Variants in SYNE1 observed in about 807,000 individuals in gnomAD.
The protein encoded by SYNE1 is nesprin-1.
SYNE1 carries 616 observed loss-of-function variants against 1,111.0 expected under a neutral mutation model. That is an observed-to-expected ratio of 0.55 (90% CI 0.52 to 0.59). The LOEUF (loss-of-function observed/expected upper bound fraction) is 0.59. Among genes scored for constraint, SYNE1 ranks in the 20% least tolerant of loss-of-function variants. The probability of loss-of-function intolerance (pLI) is 0.00; values close to 1 mark genes in which losing one functional copy is unlikely to be tolerated. For synonymous variants in SYNE1, 3,855 were observed against 3,825.8 expected (o/e 1.01, Z -0.28); for missense variants, 10,006 against 10,417.0 (o/e 0.96, Z 1.72).
At chr6:152,231,365 T>A in intron 114 of SYNE1, 26 bp downstream of exon 114, 2 of 1,613,750 alleles carry the variant, frequency 1.2e-6, no homozygotes, top group Non-Finnish European at 8.5e-7. Context: ...CATGTAAATC[T>A]GGACAGTGGG....
chr6:152,232,596 C>T (rs747166928), intron 112 of SYNE1, among the ~76,000 whole-genome samples: 2 of 152,060 alleles, frequency 1.3e-5, no homozygotes, highest in African/African-American at 2.4e-5. Context: ...AGAAAACATT[C>T]AACAGATGTA....
chr6:152,628,751 A>G (rs899490965), intron 2 of SYNE1, among the ~76,000 whole-genome samples, 197 bp from the exon 3 acceptor site: 3 of 152,228 alleles, frequency 2.0e-5, no homozygotes, highest in Non-Finnish European at 4.4e-5. Flanking sequence ...TAAAATAAAT[A>G]CATAAATGAG....
At chr6:152,187,058 G>C (rs78896060) in intron 128 of SYNE1, among the ~76,000 whole-genome samples, 2 of 152,130 alleles carry the variant, frequency 1.3e-5, no homozygotes, top group African/African-American at 2.4e-5. Context: ...CCCTCTATGC[G>C]TAAATCCATG....
At position 152,381,032 on chromosome 6, in the gene SYNE1, T is replaced by C. The variant is rs1346822083; in HGVS notation, c.8983A>G (p.Ile2995Val). The C allele has an allele frequency of 5.6e-6, 9 of 1,614,038 alleles. No individual in the cohort carries two copies. In the East Asian group the frequency reaches 1.1e-4, roughly 20 times the overall value. ...TGTCCTTTGTGCCAGCATTCCACTATCTCCTCATCCGTGTTCTTGCCTTCC... is the reference window on the plus strand; with the variant it reads ...TGTCCTTTGTGCCAGCATTCCACTACCTCCTCATCCGTGTTCTTGCCTTCC... ...LLEGKNTDEE[I>V]VECWHKGQEI... The change falls in exon 56 of 146, where the codon ATA (isoleucine) becomes GTA (valine). Residue 2995 changes from isoleucine to valine, a missense_variant. Coordinates refer to ENST00000367255, the MANE Select transcript of SYNE1 (RefSeq NM_182961.4).
chr6:152,632,133 C>G (rs2099698935), intron 2 of SYNE1, among the ~76,000 whole-genome samples: 1 of 152,168 alleles, frequency 6.6e-6, no homozygotes. Flanking sequence ...TCTAAAGAAA[C>G]AGTGAACATT....
At position 152,369,564 on chromosome 6, in the gene SYNE1, C is replaced by G; in HGVS notation, c.9558G>C (p.Gln3186His). 6.2e-7 allele frequency: 1 copy of G among 1,614,158 alleles called. No homozygotes were observed. Among genetic ancestry groups the G allele is most frequent in the Non-Finnish European group, 8.5e-7 (1 of 1,180,034 alleles). Residue 3186 changes from glutamine (Q) to histidine (H), a missense_variant, in exon 60 of 146, where the codon CAG becomes CAC. This residue lies in a region of SYNE1 where 4,955 missense variants were observed against 5,017.2 expected (regional missense o/e 0.99). Coordinates refer to ENST00000367255, the MANE Select transcript of SYNE1 (RefSeq NM_182961.4). ...TCTTCTCAGTTTTACTCAGCCAGTC[C>G]TGGATAGGCTCAGCACTTACTTCAA... The part of the protein sequence containing the change: ...KDFEVSAEPI[Q>H]DWLSKTEKMV...
chr6:152,133,041 T>C (rs553068599), intron 143 of SYNE1, among the ~76,000 whole-genome samples: 1 of 152,260 alleles, frequency 6.6e-6, no homozygotes, highest in South Asian at 2.1e-4. Flanking sequence ...GTAATAGCAT[T>C]AGTAGCAACA....
Position 152,387,167 on chromosome 6 carries a change from T to C in SYNE1, c.8392A>G (p.Arg2798Gly), listed in dbSNP as rs886044262. 1.7e-5 allele frequency: 28 copies of C among 1,614,086 alleles called. No homozygotes were observed. Among genetic ancestry groups the C allele is most frequent in the Middle Eastern group, 1.6e-4 (1 of 6,082 alleles). ...RALHRLIAKSRELYEKTEDES... is the reference protein window; with the variant it reads ...RALHRLIAKSGELYEKTEDES... Reference sequence around the variant, plus strand: ...TCCTCTGTCTTTTCGTAGAGCTCCCTGGACTTCGCAATTAGACGGTGAAGG... The same window carrying C: ...TCCTCTGTCTTTTCGTAGAGCTCCCCGGACTTCGCAATTAGACGGTGAAGG... Residue 2798 changes from arginine to glycine, a missense_variant, in exon 54 of 146, where the codon AGG (arginine) becomes GGG (glycine). Physicochemically the swap from Arg to Gly is moderately radical, Grantham distance 125. Coordinates refer to ENST00000367255, the MANE Select transcript of SYNE1 (RefSeq NM_182961.4).
Position 152,155,952 on chromosome 6 carries a change from C to T in SYNE1, c.23936G>A (p.Arg7979Gln), listed in dbSNP as rs769773495. 6.2e-6 allele frequency: 10 copies of T among 1,613,996 alleles called. No individual in the cohort carries two copies. Among genetic ancestry groups the T allele is most frequent in the Admixed American group, 1.7e-5 (1 of 59,992 alleles). The change falls in exon 132 of 146, where the codon CGG becomes CAG. Residue 7979 changes from arginine (R) to glutamine (Q), a missense_variant. Around this residue, in one of 7 missense-constraint regions of SYNE1, gnomAD observed 2,182 missense variants for 2,287.8 expected, o/e 0.95. Coordinates refer to ENST00000367255, the MANE Select transcript of SYNE1 (RefSeq NM_182961.4). ...GGACATAGCACAAATGTTTCTCCAC[C>T]GCCGGTCCAGGTTTCTCGTAGCCTG... is the stretch of plus-strand genomic sequence containing the variant. Reference protein sequence around the residue: ...IQQATRNLDRRWRNICAMSME... With the variant: ...IQQATRNLDRQWRNICAMSME...
chr6:152,491,195 C>T (rs575775651), intron 11 of SYNE1, among the ~76,000 whole-genome samples: 1 of 151,180 alleles, frequency 6.6e-6, no homozygotes, highest in South Asian at 2.1e-4. Context: ...CCTGATTATT[C>T]ACCCACATTC....
chr6:152,437,929 T>C (rs1410460720), intron 32 of SYNE1, among the ~76,000 whole-genome samples: 1 of 152,156 alleles, frequency 6.6e-6, no homozygotes. Context: ...CATAGAAATA[T>C]CACGAGTTCG....
In SYNE1 at chr6:152,416,727, A is replaced by G. The variant is rs372724272; in HGVS notation, c.5710T>C (p.Leu1904=). Residue 1904 remains leucine, a synonymous_variant, in exon 41 of 146, where the codon TTG becomes CTG. Coordinates refer to ENST00000367255, the MANE Select transcript of SYNE1 (RefSeq NM_182961.4). ...TNSMNKNESD[L]IEKDLNDALQ... ...GCATCATTGAGGTCCTTTTCTATCA[A>G]ATCAGACTCGTTCTTATTCATACTG... The G allele has an allele frequency of 1.9e-6, 3 of 1,614,186 alleles. No homozygotes were observed. The highest frequency in any genetic ancestry group is 2.5e-6 in the Non-Finnish European group (3 of 1,180,036).
chr6:152,160,954 A>T (rs192407056), intron 131 of SYNE1, among the ~76,000 whole-genome samples: 22 of 152,098 alleles, frequency 1.4e-4, no homozygotes, highest in Admixed American at 1.2e-3. Flanking sequence ...GAATATATAT[A>T]CACACACATA....
At chr6:152,193,830 T>A (rs554917457) in intron 127 of SYNE1, among the ~76,000 whole-genome samples, 48 of 151,796 alleles carry the variant, frequency 3.2e-4, no homozygotes, top group African/African-American at 1.2e-3. Context: ...ACTAACACGG[T>A]GAAACCCTGT....
intron 98 of SYNE1, among the ~76,000 whole-genome samples, chr6:152,276,707 T>C (rs950078132): frequency 5.3e-5 from 8 of 152,042 alleles, no homozygotes; most frequent in Non-Finnish European, 1.0e-4. Context: ...TCAACCATTA[T>C]TGCAGGAGAA....
chr6:152,364,725 G>GAAGGAAGGAAGGAAGT, intron 63 of SYNE1, 122 bp downstream of exon 63: 1 of 1,133,704 alleles, frequency 8.8e-7, no homozygotes. Context: ...AGGAAGGAAG[G>GAAGGAAGGAAGGAAGT]AAGGGAGGAA....
intron 30 of SYNE1, among the ~76,000 whole-genome samples, chr6:152,443,486 G>C (rs762533980): frequency 3.3e-5 from 5 of 152,102 alleles, no homozygotes; most frequent in Non-Finnish European, 5.9e-5. Context: ...GGATGGTCTC[G>C]ATCTGCTGAC....
intron 131 of SYNE1, among the ~76,000 whole-genome samples, chr6:152,156,571 C>G (rs1307181362): frequency 6.6e-6 from 1 of 152,184 alleles, no homozygotes; most frequent in African/African-American, 2.4e-5. Context: ...CTTCCATACA[C>G]TTTAAATCAT....
intron 64 of SYNE1, 81 bp from the exon 65 acceptor site, chr6:152,359,539 T>C (rs1591024432): frequency 6.4e-7 from 1 of 1,570,672 alleles, no homozygotes; most frequent in Non-Finnish European, 8.7e-7. Context: ...GATATTTTAA[T>C]TGTACAGTTG....
Sources: gnomAD v4.1 joint callset for allele counts (sites outside exome capture counted in the v4.1 genomes callset) on GRCh38, gnomAD v4.1.1 for gene constraint, gnomAD v4.1.1 regional missense constraint, MANE v1.5 for transcripts, NCBI Gene and HGNC (gene_info 2026-07-23, HGNC 2026-07-21) for gene names.